The following ZNF473 variants were observed in gnomAD, a reference collection of about 807,000 sequenced individuals.
The protein encoded by ZNF473 is zinc finger protein 473.
Under a neutral mutation model 11.1 loss-of-function variants are expected in ZNF473, and 4 were observed. The observed-to-expected ratio is 0.36, with a 90% CI of 0.18 to 0.82. The LOEUF is 0.82. ZNF473 is among the 40% of genes least tolerant of loss of function. ZNF473 has a pLI of 0.49. For missense variants in ZNF473, 854 were observed against 1,084.0 expected (o/e 0.79, Z 2.98); for synonymous variants, 404 against 390.4 (o/e 1.03, Z -0.41).
rs529531190 is a variant in ZNF473, at chr19:50,039,871, G to C, written c.136+584G>C. 6.6e-6 allele frequency among the ~76,000 whole-genome samples: 1 copy of C among 152,256 alleles called. No homozygotes were observed. Among genetic ancestry groups the C allele is most frequent in the Admixed American group, 6.5e-5 (1 of 15,296 alleles). On this transcript the variant is annotated intron_variant, in intron 3 of 4. Transcript: ENST00000270617. The surrounding 1 kb of genome is among the most constrained non-coding windows in gnomAD (Gnocchi z 4.8). ...AGCGGGAGCTGTGTGAGGACAGGGC[G>C]TGTCCCCAGTGTTTGGAACGAACAG...
chr19:50,046,116 A>G lies in ZNF473; in HGVS notation c.1673A>G (p.Lys558Arg). The change falls in exon 5 of 5, where the codon AAA (lysine) becomes AGA (arginine). Residue 558 changes from lysine to arginine, a missense_variant. Physicochemically the swap from Lys to Arg is conservative, Grantham distance 26. This residue lies in a region of ZNF473 where 668 missense variants were observed against 790.2 expected (regional missense o/e 0.85). Coordinates refer to ENST00000270617, the MANE Select transcript of ZNF473 (RefSeq NM_015428.4). This position sits in a 1 kb window ranked among gnomAD's most constrained non-coding sequence, Gnocchi z 5.9. Reference sequence around the variant, plus strand: ...ATCTTGGATCAGAACCCAGAACAGAAAGAGAAGTGCTTTAAGTGTAACAAA... The same window carrying G: ...ATCTTGGATCAGAACCCAGAACAGAGAGAGAAGTGCTTTAAGTGTAACAAA... ...GKILDQNPEQ[K>R]EKCFKCNKCE... 1 of 1,614,210 alleles carries G rather than the reference A, an allele frequency of 6.2e-7. No homozygotes were observed.
intron 2 of ZNF473, among the ~76,000 whole-genome samples, chr19:50,037,881 A>G (rs1467417200): frequency 6.6e-6 from 1 of 152,022 alleles, no homozygotes; most frequent in Non-Finnish European, 1.5e-5. Context: ...TTTATAAATT[A>G]CCATAACTTA....
At position 50,039,122 on chromosome 19, in the gene ZNF473, C is replaced by T; in HGVS notation, c.10-39C>T. 7 of 1,611,396 alleles carry T rather than the reference C, an allele frequency of 4.3e-6. No individual in the cohort carries two copies. Among genetic ancestry groups the T allele is most frequent in the Non-Finnish European group, 5.9e-6 (7 of 1,178,074 alleles). On this transcript the variant is annotated intron_variant, in intron 2 of 4. Coordinates refer to ENST00000270617, the MANE Select transcript of ZNF473 (RefSeq NM_015428.4). The surrounding 1 kb of genome is among the most constrained non-coding windows in gnomAD (Gnocchi z 4.8). ...AGTGAGCTGTTGGGCTCCTCCCTGA[C>T]CCCAGCCTCTGAGTGACCAATAGTG...
intron 4 of ZNF473, 36 bp from the exon 5 acceptor site, chr19:50,044,634 T>G (rs964460234): frequency 6.5e-6 from 10 of 1,531,512 alleles, no homozygotes; most frequent in Non-Finnish European, 8.9e-6. Flanking sequence ...GTTCTCACCC[T>G]TAGTGAACAG....
In ZNF473 at chr19:50,045,527, C is replaced by T. The variant is rs1600763014; in HGVS notation, c.1084C>T (p.Leu362Phe). 1.9e-6 allele frequency: 3 copies of T among 1,614,198 alleles called. No homozygotes were observed. The East Asian group carries it at 6.7e-5, about 36-fold the overall frequency. ...CQATFNLRKH[L>F]IQHQKTHAAK... ...GGCGACCTTCAACTTGAGAAAACAC[C>T]TCATCCAACATCAGAAAACTCACGC... is the stretch of plus-strand genomic sequence containing the variant. The change falls in exon 5 of 5, where the codon CTC becomes TTC. Residue 362 changes from leucine to phenylalanine, a missense_variant. By Grantham distance (22) the Leu-to-Phe change is conservative. Coordinates refer to ENST00000270617, the MANE Select transcript of ZNF473 (RefSeq NM_015428.4).
chr19:50,026,301 G>T (rs189666655), intron 1 of ZNF473, 179 bp downstream of exon 1: 1 of 152,538 alleles, frequency 6.6e-6, no homozygotes, highest in Non-Finnish European at 1.5e-5. Context: ...GGGCACGGTA[G>T]ATCACGCCTG....
rs558061916 is a variant in ZNF473, at chr19:50,029,268, G to A, written c.-191-1624G>A. On this transcript the variant is annotated intron_variant, in intron 1 of 4. Transcript: ENST00000270617. ...CACCATTCTCTCGCCTCAGCCTCCT[G>A]AGTAACTGGGACTACAGGCGCCCAC... 2.6e-5 allele frequency among the ~76,000 whole-genome samples: 4 copies of A among 152,270 alleles called. 1 individual carries two copies. The highest frequency in any genetic ancestry group is 7.2e-5 in the African/African-American group (3 of 41,544).
At chr19:50,026,896 G>A (rs992700943) in intron 1 of ZNF473, among the ~76,000 whole-genome samples, 2 of 152,182 alleles carry the variant, frequency 1.3e-5, no homozygotes, top group Non-Finnish European at 2.9e-5. Flanking sequence ...TGGGGAAGGA[G>A]GGGAATGAGT....
Position 50,045,331 on chromosome 19 carries a change from T to C in ZNF473, c.888T>C (p.Asp296=). 1 of 1,614,120 alleles carries C rather than the reference T, an allele frequency of 6.2e-7. No individual in the cohort carries two copies. The change falls in exon 5 of 5, where the codon GAT becomes GAC. Residue 296 remains aspartate (D), a synonymous_variant. Transcript: ENST00000270617. ...GAGAAAAACCATGTAAGAGTCAAGATAGTGACCACCCACCCAGTCATGACA... is the reference window on the plus strand; with the variant it reads ...GAGAAAAACCATGTAAGAGTCAAGACAGTGACCACCCACCCAGTCATGACA... ...HTGEKPCKSQ[D]SDHPPSHDTQ... is the part of the protein sequence containing the mutation.
rs765614369 is a variant in ZNF473, at chr19:50,044,720, G to C, written c.277G>C (p.Gly93Arg). The change falls in exon 5 of 5, where the codon GGA becomes CGA. Residue 93 changes from glycine (G) to arginine (R), a missense_variant. Physicochemically the swap from Gly to Arg is moderately radical, Grantham distance 125. Around this residue, in one of 2 missense-constraint regions of ZNF473, gnomAD observed 668 missense variants for 790.2 expected, o/e 0.85. Coordinates refer to ENST00000270617, the MANE Select transcript of ZNF473 (RefSeq NM_015428.4). The stretch of plus-strand genomic sequence containing the variant: ...TCTGATGGAGGATTTCTTCGAAGAA[G>C]GATTCTCCCAGGAGATTATAGAGAT... The part of the protein sequence containing the change: ...SPLMEDFFEE[G>R]FSQEIIEMLS... 3 of 1,613,594 alleles carry C rather than the reference G, an allele frequency of 1.9e-6. No individual in the cohort carries two copies. The highest frequency in any genetic ancestry group is 2.5e-6 in the Non-Finnish European group (3 of 1,179,804).
In ZNF473 at chr19:50,045,970, C is replaced by T; in HGVS notation, c.1527C>T (p.His509=). Residue 509 remains histidine, a synonymous_variant, in exon 5 of 5, where the codon CAC becomes CAT. Transcript: ENST00000270617. ...GCCTTGTGCAACACCAGAAAATGCA[C>T]ACTGTCAAAACCCCATATGAATGTC... ...NNRLVQHQKM[H]TVKTPYECQE... is the part of the protein sequence containing the mutation. The T allele has an allele frequency of 6.2e-7, 1 of 1,614,182 alleles. No homozygotes were observed. Among genetic ancestry groups the T allele is most frequent in the Non-Finnish European group, 8.5e-7 (1 of 1,180,032 alleles).
Position 50,046,633 on chromosome 19 carries a change from T to C in ZNF473, c.2190T>C (p.Tyr730=), listed in dbSNP as rs1375685072. Reference sequence around the variant, plus strand: ...GAATTCACTCAGGTGAGAAGCCCTATGTATGTGATTACTGCGGGAAGGCCT... The same window carrying C: ...GAATTCACTCAGGTGAGAAGCCCTACGTATGTGATTACTGCGGGAAGGCCT... ...HQRIHSGEKP[Y]VCDYCGKAFG... is the part of the protein sequence containing the mutation. Residue 730 remains tyrosine, a synonymous_variant, in exon 5 of 5, where the codon TAT becomes TAC. Coordinates refer to ENST00000270617, the MANE Select transcript of ZNF473 (RefSeq NM_015428.4). The surrounding 1 kb of genome is among the most constrained non-coding windows in gnomAD (Gnocchi z 5.9). The C allele has an allele frequency of 1.9e-6, 3 of 1,614,178 alleles. No individual in the cohort carries two copies. Among genetic ancestry groups the C allele is most frequent in the East Asian group, 2.2e-5 (1 of 44,884 alleles).
chr19:50,035,615 C>T (rs916099378), intron 2 of ZNF473, among the ~76,000 whole-genome samples: 2 of 152,110 alleles, frequency 1.3e-5, no homozygotes, highest in African/African-American at 4.8e-5. Flanking sequence ...CAGGGGCTGG[C>T]TCGTAGTAGG....
intron 2 of ZNF473, among the ~76,000 whole-genome samples, chr19:50,034,541 T>G (rs1383390898): frequency 2.0e-5 from 3 of 152,206 alleles, no homozygotes; most frequent in Non-Finnish European, 4.4e-5. Flanking sequence ...TCGTGGGCTC[T>G]GTCATAGCCC....
Position 50,046,067 on chromosome 19 carries a change from C to A in ZNF473, c.1624C>A (p.Gln542Lys). The stretch of plus-strand genomic sequence containing the variant: ...CGAGAGTGTTCACGCCAGAGAAAAA[C>A]AAGGATTTTTTGTGAGTGGGAAGAT... ...CHESVHAREK[Q>K]GFFVSGKILD... Residue 542 changes from glutamine (Q) to lysine (K), a missense_variant, in exon 5 of 5, where the codon CAA becomes AAA. Transcript: ENST00000270617. The surrounding 1 kb of genome is among the most constrained non-coding windows in gnomAD (Gnocchi z 5.9). 1.2e-6 allele frequency: 2 copies of A among 1,614,190 alleles called. No individual in the cohort carries two copies. Among genetic ancestry groups the A allele is most frequent in the Non-Finnish European group, 1.7e-6 (2 of 1,180,030 alleles).
rs1182281286 is a variant in ZNF473, at chr19:50,036,882, C to A, written c.10-2279C>A. 2.0e-5 allele frequency among the ~76,000 whole-genome samples: 3 copies of A among 152,182 alleles called. No homozygotes were observed. In the East Asian group the frequency reaches 5.8e-4, roughly 29 times the overall value. On this transcript the variant is annotated intron_variant, in intron 2 of 4. Transcript: ENST00000270617. ...CTCGAGAACTATAGGAAACAAATTT[C>A]TTTTCTTTATAAATTACCCAGTTAT...
chr19:50,038,619 A>G (rs1978601088), intron 2 of ZNF473, among the ~76,000 whole-genome samples: 1 of 152,198 alleles, frequency 6.6e-6, no homozygotes, highest in African/African-American at 2.4e-5. Context: ...CATCAGTTAC[A>G]GGGTATGGGC....
chr19:50,044,792 A>G lies in ZNF473; in HGVS notation c.349A>G (p.Ile117Val), dbSNP rs757203539. 91 of 1,614,136 alleles carry G rather than the reference A, an allele frequency of 5.6e-5. No individual in the cohort carries two copies. The East Asian group carries it at 1.9e-3, about 33-fold the overall frequency. The change falls in exon 5 of 5, where the codon ATA (isoleucine) becomes GTA (valine). Residue 117 changes from isoleucine to valine, a missense_variant. Transcript: ENST00000270617. ...GAACTCCAATTTCGGAGAAGCCTGT[A>G]TAGAGGACACCTGGTTAGATAGTTT... is the stretch of plus-strand genomic sequence containing the variant. ...FWNSNFGEAC[I>V]EDTWLDSLLG...
chr19:50,039,819 C>T lies in ZNF473; in HGVS notation c.136+532C>T, dbSNP rs1276079109. Among the ~76,000 whole-genome samples, 4 of 152,212 alleles carry T rather than the reference C, an allele frequency of 2.6e-5. No homozygotes were observed. The highest frequency in any genetic ancestry group is 2.4e-5 in the African/African-American group (1 of 41,450). The stretch of plus-strand genomic sequence containing the variant: ...ACTCATCTTGTCTGTCGCTCCCTCA[C>T]GTTCTAACTACCATTGTATCATTCA... On this transcript the variant is annotated intron_variant, in intron 3 of 4. Coordinates refer to ENST00000270617, the MANE Select transcript of ZNF473 (RefSeq NM_015428.4). This position sits in a 1 kb window ranked among gnomAD's most constrained non-coding sequence, Gnocchi z 4.8.
Sources: gnomAD v4.1 joint callset for allele counts (sites outside exome capture counted in the v4.1 genomes callset) on GRCh38, gnomAD v4.1.1 for gene constraint, gnomAD v4.1.1 regional missense constraint, Gnocchi (gnomAD v3.1) non-coding constraint, MANE v1.5 for transcripts, NCBI Gene and HGNC (gene_info 2026-07-23, HGNC 2026-07-21) for gene names.